IL1RAPL1: variants seen among roughly 807,000 people sequenced by gnomAD.
IL1RAPL1 encodes interleukin-1 receptor accessory protein-like 1.
IL1RAPL1 carries 3 observed loss-of-function variants against 48.4 expected under a neutral mutation model. That is an observed-to-expected ratio of 0.06 (90% CI 0.03 to 0.16). The LOEUF (loss-of-function observed/expected upper bound fraction) is 0.16. Among genes scored for constraint, IL1RAPL1 ranks in the 10% least tolerant of loss-of-function variants. IL1RAPL1 has a pLI of 1.00. For synonymous variants in IL1RAPL1, 185 were observed against 187.7 expected (o/e 0.99, Z 0.12); for missense variants, 349 against 530.6 (o/e 0.66, Z 3.36).
chrX:29,568,551 T>C (rs1922487234), intron 5 of IL1RAPL1, among the ~76,000 whole-genome samples: 1 of 111,074 alleles, frequency 9.0e-6, no homozygotes, highest in Admixed American at 9.6e-5. Context: ...TTCAACAGCA[T>C]TGAAATGGTG....
intron 1 of IL1RAPL1, among the ~76,000 whole-genome samples, chrX:28,770,655 C>T (rs186327320): frequency 8.9e-6 from 1 of 112,243 alleles, no homozygotes; most frequent in Non-Finnish European, 1.9e-5. Context: ...TTTTGTATAT[C>T]TCCAGCCACC....
chrX:28,655,003 C>T (rs1934733234), intron 1 of IL1RAPL1, among the ~76,000 whole-genome samples: 1 of 110,830 alleles, frequency 9.0e-6, no homozygotes, highest in East Asian at 2.8e-4. Flanking sequence ...AAAGGGGTGC[C>T]GTTGGGGGTG....
intron 3 of IL1RAPL1, among the ~76,000 whole-genome samples, chrX:29,335,399 C>T (rs1028269645): frequency 2.0e-5 from 2 of 101,952 alleles, no homozygotes; most frequent in African/African-American, 7.2e-5. Context: ...TTCCTCAAAG[C>T]ACTAAATTAC....
chrX:29,828,643 G>A (rs988889611), intron 6 of IL1RAPL1, among the ~76,000 whole-genome samples: 8 of 111,817 alleles, frequency 7.2e-5, no homozygotes, highest in African/African-American at 2.0e-4. Flanking sequence ...TTAGTTTTGA[G>A]ATGCCTATTT....
intron 6 of IL1RAPL1, among the ~76,000 whole-genome samples, chrX:29,892,013 C>T (rs940112750): frequency 1.8e-5 from 2 of 111,789 alleles, no homozygotes; most frequent in African/African-American, 3.2e-5. Flanking sequence ...CATAGTTGCT[C>T]ATAGGTTCCA....
chrX:29,812,074 G>A (rs1004439006), intron 6 of IL1RAPL1, among the ~76,000 whole-genome samples: 2 of 111,915 alleles, frequency 1.8e-5, no homozygotes, highest in African/African-American at 6.5e-5. Flanking sequence ...TACAGTAAAA[G>A]TTTGATAGAC....
intron 2 of IL1RAPL1, among the ~76,000 whole-genome samples, chrX:29,075,731 T>G (rs182707331): frequency 9.0e-6 from 1 of 111,515 alleles, no homozygotes; most frequent in Non-Finnish European, 1.9e-5. Flanking sequence ...GATACAATGG[T>G]CATTTTGAAA....
At chrX:29,447,092 C>G (rs1934620905) in intron 5 of IL1RAPL1, among the ~76,000 whole-genome samples, 1 of 111,150 alleles carries the variant, frequency 9.0e-6, no homozygotes, top group Non-Finnish European at 1.9e-5. Context: ...TCTTAAAAAA[C>G]ATGATCCATC....
intron 1 of IL1RAPL1, among the ~76,000 whole-genome samples, chrX:28,645,014 T>A (rs937640074): frequency 1.8e-5 from 2 of 110,698 alleles, no homozygotes; most frequent in Non-Finnish European, 3.8e-5. Flanking sequence ...CATTTATTTT[T>A]GAGGGTGGCA....
intron 1 of IL1RAPL1, among the ~76,000 whole-genome samples, chrX:28,625,454 C>T (rs1934330000): frequency 8.9e-6 from 1 of 111,990 alleles, no homozygotes; most frequent in African/African-American, 3.2e-5. Flanking sequence ...CTCCTGCTCA[C>T]AGAACTGTAT....
At chrX:29,263,867 C>CCCCT (rs1931905875) in intron 2 of IL1RAPL1, among the ~76,000 whole-genome samples, 1 of 99,690 alleles carries the variant, frequency 1.0e-5, no homozygotes, top group African/African-American at 3.7e-5. Context: ...CTCTCCCCCC[C>CCCCT]CCCCGCTCTC....
chrX:29,465,472 G>A (rs181027966), intron 5 of IL1RAPL1, among the ~76,000 whole-genome samples: 1 of 111,649 alleles, frequency 9.0e-6, no homozygotes, highest in Admixed American at 9.5e-5. Flanking sequence ...AATGCTTTTA[G>A]ACACTTCAGT....
At chrX:29,658,007 A>G (rs1036683468) in intron 5 of IL1RAPL1, among the ~76,000 whole-genome samples, 1 of 111,483 alleles carries the variant, frequency 9.0e-6, no homozygotes, top group East Asian at 2.8e-4. Context: ...AGCATTAACT[A>G]TACACAAATT....
intron 5 of IL1RAPL1, among the ~76,000 whole-genome samples, chrX:29,525,096 T>C (rs1280776837): frequency 8.9e-6 from 1 of 112,473 alleles, no homozygotes; most frequent in Admixed American, 9.4e-5. Flanking sequence ...TCATACTTTT[T>C]GTTCCAGTGA....
chrX:28,832,625 A>G (rs1301702911), intron 2 of IL1RAPL1, among the ~76,000 whole-genome samples: 1 of 110,761 alleles, frequency 9.0e-6, no homozygotes, highest in Admixed American at 9.7e-5. Context: ...ACAGAGTTTT[A>G]TTACAGTAAA....
In IL1RAPL1 at chrX:28,783,070, T is replaced by C. The variant is rs190502985; in HGVS notation, c.-24-6250T>C. On this transcript the variant is annotated intron_variant, in intron 1 of 10. Coordinates refer to ENST00000378993, the MANE Select transcript of IL1RAPL1 (RefSeq NM_014271.4). The stretch of plus-strand genomic sequence containing the variant: ...CATCTTGAGAGTCAAACCAACCCTT[T>C]CCTTACCAGATTCCTGTACAACTTT... Among the ~76,000 whole-genome samples, 13 of 111,417 alleles carry C rather than the reference T, an allele frequency of 1.2e-4. No homozygotes were observed. In the East Asian group the frequency reaches 3.4e-3, roughly 29 times the overall value.
chrX:29,210,980 A>G (rs1171250536), intron 2 of IL1RAPL1, among the ~76,000 whole-genome samples: 1 of 111,806 alleles, frequency 8.9e-6, no homozygotes, highest in Non-Finnish European at 1.9e-5. Flanking sequence ...TCAACTGCTT[A>G]TATAGGTGAA....
intron 9 of IL1RAPL1, among the ~76,000 whole-genome samples, chrX:29,947,884 AT>A (rs1366013311): frequency 2.7e-5 from 3 of 109,672 alleles, no homozygotes; most frequent in Non-Finnish European, 3.8e-5. Context: ...TTCTGGGTAT[AT>A]GACTTGCCTC....
intron 6 of IL1RAPL1, among the ~76,000 whole-genome samples, chrX:29,904,502 A>T (rs1932567848): frequency 9.1e-6 from 1 of 110,279 alleles, no homozygotes; most frequent in Non-Finnish European, 1.9e-5. Context: ...TTAGGTATTT[A>T]TCCTAATGCT....
Sources: allele counts gnomAD v4.1 joint callset (sites outside exome capture counted in the v4.1 genomes callset), GRCh38; gene constraint gnomAD v4.1.1; transcripts MANE v1.5; gene names NCBI Gene and HGNC (gene_info 2026-07-23, HGNC 2026-07-21).